MSTO1: variants seen among roughly 807,000 people sequenced by gnomAD.
MSTO1 encodes protein misato homolog 1.
A neutral mutation model predicts 55.7 loss-of-function variants in MSTO1; 24 were observed. The ratio of observed to expected loss-of-function variants is 0.43; its 90% CI spans 0.31 to 0.61. The LOEUF is 0.61. Among genes scored for constraint, MSTO1 ranks in the 20% least tolerant of loss-of-function variants. The pLI, the probability that MSTO1 is intolerant of heterozygous loss-of-function variation, is 0.09. For synonymous variants in MSTO1, 162 were observed against 252.8 expected, an observed-to-expected ratio of 0.64 and a Z score of 3.41; for missense variants, 363 against 625.7, an observed-to-expected ratio of 0.58 and a Z score of 4.48.
At chr1:155,604,638 G>T in the MSTO1 span, among the ~76,000 whole-genome samples, 1 of 152,182 alleles carries the variant, frequency 6.6e-6, no homozygotes, top group African/African-American at 2.4e-5. Flanking sequence ...CACTTTGGGA[G>T]GCCGAGGCAG....
the MSTO1 span, among the ~76,000 whole-genome samples, chr1:155,576,740 G>T: frequency 2.0e-5 from 3 of 150,782 alleles, no homozygotes; most frequent in Admixed American, 1.3e-4. Flanking sequence ...GAGGCTGAGC[G>T]CAGTGGCACA....
At chr1:155,586,733 A>G in the MSTO1 span, 1 of 473,286 alleles carries the variant, frequency 2.1e-6, no homozygotes. Context: ...TGATCTGAAC[A>G]CTTTGTGCAT....
the MSTO1 span, among the ~76,000 whole-genome samples, chr1:155,600,747 C>T: frequency 1.3e-5 from 2 of 152,108 alleles, no homozygotes; most frequent in Non-Finnish European, 2.9e-5. Flanking sequence ...AGGGTTTTGC[C>T]ATGTTGGCAA....
rs764746264 is a variant in MSTO1, at chr1:155,612,901, G to C, written c.1024G>C (p.Val342Leu). The C allele has an allele frequency of 6.2e-7, 1 of 1,613,870 alleles. No individual in the cohort carries two copies. The highest frequency in any genetic ancestry group is 1.1e-5 in the South Asian group (1 of 91,080). ...GGCTACAGCCCTGGACACAGTCACTGTTCCTTATCGCCTGTGTTCCTCTCC... is the reference window on the plus strand; with the variant it reads ...GGCTACAGCCCTGGACACAGTCACTCTTCCTTATCGCCTGTGTTCCTCTCC... ...ILATALDTVT[V>L]PYRLCSSPVS... The change falls in exon 10 of 14, where the codon GTT (valine) becomes CTT (leucine). Residue 342 changes from valine (V) to leucine (L), a missense_variant. This residue lies in a region of MSTO1 where 231 missense variants were observed against 286.9 expected (regional missense o/e 0.81). Transcript: ENST00000245564.
At chr1:155,596,500 T>A in the MSTO1 span, among the ~76,000 whole-genome samples, 1 of 152,134 alleles carries the variant, frequency 6.6e-6, no homozygotes, top group African/African-American at 2.4e-5. Flanking sequence ...AGATAAAAAA[T>A]GAGGCTGGGC....
the MSTO1 span, among the ~76,000 whole-genome samples, chr1:155,583,631 T>C: frequency 6.6e-6 from 1 of 152,154 alleles, no homozygotes; most frequent in African/African-American, 2.4e-5. Context: ...ATCATTTATT[T>C]TAATTTGGGT....
At chr1:155,575,915 T>G in the MSTO1 span, among the ~76,000 whole-genome samples, 30 of 151,734 alleles carry the variant, frequency 2.0e-4, no homozygotes, top group Admixed American at 6.6e-5. Context: ...CTCCACCTCC[T>G]GGGCTCAAGC....
chr1:155,586,646 T>TTA, the MSTO1 span: 1 of 488,240 alleles, frequency 2.0e-6, no homozygotes, highest in Non-Finnish European at 4.0e-6. Flanking sequence ...TTTTTTTTTT[T>TTA]AAGAGTACAA....
chr1:155,611,478 C>T (rs575670352), intron 4 of MSTO1, 71 bp from the exon 5 acceptor site: 85 of 1,613,812 alleles, frequency 5.3e-5, no homozygotes, highest in African/African-American at 8.0e-5. Flanking sequence ...CCAGCCAACT[C>T]AAGGAGGACG....
the MSTO1 span, among the ~76,000 whole-genome samples, chr1:155,585,020 A>T: frequency 6.6e-6 from 1 of 151,852 alleles, no homozygotes; most frequent in African/African-American, 2.4e-5. Context: ...CTCAGCCTCC[A>T]AAAGTGCTGA....
At chr1:155,613,909 C>G (rs1299408755) in intron 13 of MSTO1, 143 bp downstream of exon 13, 85 of 698,712 alleles carry the variant, frequency 1.2e-4, no homozygotes, top group Non-Finnish European at 2.7e-5. Context: ...CATTCTTCCT[C>G]TGGAGTACTG....
At chr1:155,564,841 GC>G in the MSTO1 span, among the ~76,000 whole-genome samples, 1 of 152,180 alleles carries the variant, frequency 6.6e-6, no homozygotes, top group Non-Finnish European at 1.5e-5. Flanking sequence ...TTGAAATGAG[GC>G]TGGGTGTGGT....
the MSTO1 span, among the ~76,000 whole-genome samples, chr1:155,567,346 C>G: frequency 7.7e-6 from 1 of 129,744 alleles, no homozygotes; most frequent in African/African-American, 3.0e-5. Context: ...GAGTCTCGTT[C>G]TGTCGCCCAG....
At chr1:155,568,055 A>ATTTAT in the MSTO1 span, among the ~76,000 whole-genome samples, 73,938 of 143,312 alleles carry the variant, frequency 0.52, 22,111 homozygotes, top group Middle Eastern at 0.69. Flanking sequence ...AAAAAAAATT[A>ATTTAT]TTTATTTTAT....
At chr1:155,578,471 TG>T in the MSTO1 span, among the ~76,000 whole-genome samples, 5 of 145,350 alleles carry the variant, frequency 3.4e-5, no homozygotes, top group Admixed American at 1.4e-4. Context: ...CCCAAGTAGC[TG>T]GAACTACAGG....
chr1:155,611,346 A>G (rs1238867498), intron 4 of MSTO1, 55 bp downstream of exon 4: 10 of 1,613,786 alleles, frequency 6.2e-6, no homozygotes, highest in South Asian at 1.1e-5. Flanking sequence ...GAGGGTCTCC[A>G]TAGGGGCAGG....
At chr1:155,565,559 A>G in the MSTO1 span, among the ~76,000 whole-genome samples, 1 of 152,116 alleles carries the variant, frequency 6.6e-6, no homozygotes, top group African/African-American at 2.4e-5. Context: ...TTTTTTCACT[A>G]TACCACATTT....
chr1:155,606,288 G>A (rs1184592930), upstream of MSTO1, among the ~76,000 whole-genome samples: 24 of 143,042 alleles, frequency 1.7e-4, no homozygotes, highest in Non-Finnish European at 3.4e-4. Context: ...CGAACTCCTG[G>A]CCTTAAGTGA....
chr1:155,567,971 G>A, the MSTO1 span, among the ~76,000 whole-genome samples: 32 of 151,924 alleles, frequency 2.1e-4, no homozygotes, highest in African/African-American at 6.0e-4. Context: ...CCAGCAGGTA[G>A]AGGTTGCAGT....
Sources: allele counts gnomAD v4.1 joint callset (sites outside exome capture counted in the v4.1 genomes callset), GRCh38; gene constraint gnomAD v4.1.1; regional missense constraint gnomAD v4.1.1; transcripts MANE v1.5; gene names NCBI Gene and HGNC (gene_info 2026-07-23, HGNC 2026-07-21).